TYK2: variants seen among roughly 807,000 people sequenced by gnomAD.
The protein encoded by TYK2 is tyrosine kinase 2.
In TYK2, 65 loss-of-function variants were observed where a neutral mutation model predicts 130.9. The observed-to-expected ratio is 0.50, with a 90% confidence interval of 0.41 to 0.61. The LOEUF is 0.61. Ranked by LOEUF, TYK2 falls within the 20% of genes least tolerant of loss-of-function variation. The probability of loss-of-function intolerance (pLI) is 0.00; values close to 1 mark genes in which losing one functional copy is unlikely to be tolerated. For missense variants in TYK2, 1,378 were observed against 1,610.7 expected (o/e 0.86, Z 2.47); for synonymous variants, 647 against 658.9 (o/e 0.98, Z 0.28).
In TYK2 at chr19:10,361,086, G is replaced by A. The variant is rs1318308529; in HGVS notation, c.2047+425C>T. On this transcript the variant is annotated intron_variant, in intron 14 of 24. Transcript: ENST00000525621. The surrounding 1 kb of genome is among the most constrained non-coding windows in gnomAD (Gnocchi z 4.0). ...AGTTTTGAGCTACCTGCAGAGGAAAGGAAGAGGTGGGGTTAGGCAGGGTTG... is the reference window on the plus strand; with the variant it reads ...AGTTTTGAGCTACCTGCAGAGGAAAAGAAGAGGTGGGGTTAGGCAGGGTTG... The A allele has an allele frequency of 4.2e-6, 2 of 475,656 alleles. No individual in the cohort carries two copies. The highest frequency in any genetic ancestry group is 2.4e-5 in the Admixed American group (1 of 42,428). The allele number at this position is 475,656 out of a possible 1,614,324, so 29.5% of individuals were successfully genotyped here.
chr19:10,368,968 C>G (rs2041798382), intron 3 of TYK2, among the ~76,000 whole-genome samples: 1 of 152,060 alleles, frequency 6.6e-6, no homozygotes, highest in Non-Finnish European at 1.5e-5. Context: ...GCCACCAACC[C>G]CGGCTAGTTT....
At position 10,354,592 on chromosome 19, in the gene TYK2, T is replaced by C; in HGVS notation, c.2635A>G (p.Thr879Ala). 6.2e-7 allele frequency: 1 copy of C among 1,613,854 alleles called. No individual in the cohort carries two copies. ...LQPHNLADVL[T>A]VNPDSPASDP... ...GACGCCGGTGAGTCCGGGTTCACAG[T>C]CAAGACGTCAGCAAGATCTGGAAGA... The change falls in exon 19 of 25, where the codon ACT (threonine) becomes GCT (alanine). Residue 879 changes from threonine to alanine, a missense_variant. Transcript: ENST00000525621.
rs139954108 is a variant in TYK2 at position 10,361,573 on chromosome 19, A to G, written c.1985T>C (p.Met662Thr). 37 of 1,549,130 alleles carry G rather than the reference A, an allele frequency of 2.4e-5. No homozygotes were observed. The highest frequency in any genetic ancestry group is 2.8e-5 in the Non-Finnish European group (32 of 1,147,214). ...ALAFYETASL[M>T]SQVSHTHLAF... ...CAGGTGCGTGTGGGAGACCTGGCTC[A>G]TGAGGCTGGCTGTCTCGTAGAAGGC... Residue 662 changes from methionine to threonine, a missense_variant, in exon 14 of 25, where the codon ATG (methionine) becomes ACG (threonine). By Grantham distance (81) the Met-to-Thr change is moderately conservative. Coordinates refer to ENST00000525621, the MANE Select transcript of TYK2 (RefSeq NM_003331.5). The surrounding 1 kb of genome is among the most constrained non-coding windows in gnomAD (Gnocchi z 4.0).
chr19:10,359,397 G>A (rs2041279481), intron 14 of TYK2, 95 bp from the exon 15 acceptor site: 1 of 1,471,970 alleles, frequency 6.8e-7, no homozygotes. Flanking sequence ...CTTGGCATGT[G>A]GCTGGGGAGG....
chr19:10,375,478 C>T (rs544585422), intron 3 of TYK2, among the ~76,000 whole-genome samples: 2 of 151,978 alleles, frequency 1.3e-5, no homozygotes, highest in African/African-American at 2.4e-5. Context: ...ACTAGCCGGG[C>T]GTGGGGTGTG....
intron 14 of TYK2, among the ~76,000 whole-genome samples, chr19:10,360,444 C>T (rs1599341112): frequency 1.3e-5 from 2 of 152,120 alleles, no homozygotes; most frequent in African/African-American, 4.8e-5. Flanking sequence ...CTTCAGTGAG[C>T]CATGATGGCA....
intron 3 of TYK2, among the ~76,000 whole-genome samples, chr19:10,370,439 G>A (rs1396769895): frequency 2.6e-5 from 4 of 151,352 alleles, no homozygotes; most frequent in East Asian, 2.0e-4. Context: ...GCTTGAACCC[G>A]GGAGGTGGAG....
chr19:10,359,424 T>TG, intron 14 of TYK2, 122 bp from the exon 15 acceptor site: 1 of 1,226,736 alleles, frequency 8.2e-7, no homozygotes, highest in Non-Finnish European at 1.2e-6. Flanking sequence ...GGCAGAGGTG[T>TG]GGGTGGAGTT....
At chr19:10,359,432 G>T in intron 14 of TYK2, 130 bp from the exon 15 acceptor site, 1 of 1,152,234 alleles carries the variant, frequency 8.7e-7, no homozygotes, top group Non-Finnish European at 1.3e-6. Context: ...TGTGGGTGGA[G>T]TTTGGTCTGG....
chr19:10,365,180 G>A, intron 7 of TYK2, 132 bp from the exon 8 acceptor site: 3 of 1,065,362 alleles, frequency 2.8e-6, no homozygotes, highest in South Asian at 1.7e-5. Flanking sequence ...AAGTCCCAGT[G>A]TCACAGGTGG....
intron 3 of TYK2, among the ~76,000 whole-genome samples, chr19:10,374,289 A>G (rs2042027136): frequency 6.7e-6 from 1 of 149,896 alleles, no homozygotes; most frequent in African/African-American, 2.5e-5. Context: ...AAACAAAACA[A>G]AGAATCAGCC....
chr19:10,367,883 G>A (rs2041739094), intron 5 of TYK2, among the ~76,000 whole-genome samples, 172 bp downstream of exon 5: 1 of 151,068 alleles, frequency 6.6e-6, no homozygotes, highest in Non-Finnish European at 1.5e-5. Flanking sequence ...TCACATCACT[G>A]CACTTCAGCC....
chr19:10,362,740 C>T lies in TYK2; in HGVS notation c.1368-83G>A. 8 of 1,180,866 alleles carry T rather than the reference C, an allele frequency of 6.8e-6. No homozygotes were observed. The East Asian group carries it at 2.0e-4, about 30-fold the overall frequency. 73.1% of individuals were successfully genotyped at this position (1,180,866 alleles called of 1,614,324 possible). On this transcript the variant is annotated intron_variant, in intron 9 of 24. Transcript: ENST00000525621. ...CGGGAACAATGACACTCATTACCTACTTAGAGGGCACACACACAGCTAGGA... is the reference window on the plus strand; with the variant it reads ...CGGGAACAATGACACTCATTACCTATTTAGAGGGCACACACACAGCTAGGA...
At chr19:10,375,269 G>A (rs1456973771) in intron 3 of TYK2, among the ~76,000 whole-genome samples, 1 of 152,206 alleles carries the variant, frequency 6.6e-6, no homozygotes, top group African/African-American at 2.4e-5. Flanking sequence ...CTGGGAATGG[G>A]GGAGGTAAGA....
chr19:10,351,263 G>A, intron 23 of TYK2, 101 bp from the exon 24 acceptor site: 1 of 884,246 alleles, frequency 1.1e-6, no homozygotes, highest in East Asian at 2.8e-5. Flanking sequence ...GAGGTGGGTG[G>A]ATCACCTGAG....
At chr19:10,363,634 G>A (rs1041055619) in intron 9 of TYK2, among the ~76,000 whole-genome samples, 1 of 152,136 alleles carries the variant, frequency 6.6e-6, no homozygotes, top group Non-Finnish European at 1.5e-5. Flanking sequence ...AATCACACAA[G>A]CAAAGGACAA....
In TYK2 at chr19:10,351,131, C is replaced by G; in HGVS notation, c.3350G>C (p.Gly1117Ala). The change falls in exon 24 of 25, where the codon GGT becomes GCT. Residue 1117 changes from glycine to alanine, a missense_variant. Transcript: ENST00000525621. ...KFLELIGIAQ[G>A]QMTVLRLTEL... ...AGTGAGTCTCAGAACTGTCATCTGA[C>G]CCTGAGCAATGCCTATGAGCTCAAG... is the stretch of plus-strand genomic sequence containing the variant. 6.2e-7 allele frequency: 1 copy of G among 1,614,084 alleles called. No homozygotes were observed. The highest frequency in any genetic ancestry group is 8.5e-7 in the Non-Finnish European group (1 of 1,180,020).
chr19:10,363,322 C>T (rs1310417494), intron 9 of TYK2, among the ~76,000 whole-genome samples: 2 of 151,738 alleles, frequency 1.3e-5, no homozygotes, highest in Non-Finnish European at 2.9e-5. Flanking sequence ...CCTGAGGAGC[C>T]AGGATTACAG....
chr19:10,352,655 G>GT (rs1482087159), intron 22 of TYK2, 104 bp from the exon 23 acceptor site: 1 of 746,288 alleles, frequency 1.3e-6, no homozygotes, highest in Non-Finnish European at 2.3e-6. Context: ...TCTGGGCTCA[G>GT]TTGGGACCCA....
Sources: gnomAD v4.1 joint callset for allele counts (sites outside exome capture counted in the v4.1 genomes callset) on GRCh38, gnomAD v4.1.1 for gene constraint, Gnocchi (gnomAD v3.1) non-coding constraint, MANE v1.5 for transcripts, NCBI Gene and HGNC (gene_info 2026-07-23, HGNC 2026-07-21) for gene names.